ZNF827: variants seen among roughly 807,000 people sequenced by gnomAD.
ZNF827 encodes zinc finger protein 827.
Under a neutral mutation model 102.4 loss-of-function variants are expected in ZNF827, and 13 were observed. The observed-to-expected ratio is 0.13, with a 90% CI of 0.08 to 0.20. The LOEUF is 0.20. Among genes scored for constraint, ZNF827 ranks in the 10% least tolerant of loss-of-function variants. The probability of loss-of-function intolerance (pLI) is 1.00; values close to 1 mark genes in which losing one functional copy is unlikely to be tolerated. For missense variants in ZNF827, 1,103 were observed against 1,344.4 expected (o/e 0.82, Z 2.81); for synonymous variants, 523 against 536.2 (o/e 0.98, Z 0.34).
chr4:145,883,504 G>A (rs1207970606), intron 4 of ZNF827, among the ~76,000 whole-genome samples: 1 of 152,068 alleles, frequency 6.6e-6, no homozygotes, highest in African/African-American at 2.4e-5. Context: ...TGCAGTGCTG[G>A]CTCTAAGCAG....
At chr4:145,874,842 C>T (rs1482043673) in intron 4 of ZNF827, among the ~76,000 whole-genome samples, 5 of 152,184 alleles carry the variant, frequency 3.3e-5, no homozygotes, top group African/African-American at 4.8e-5. Flanking sequence ...CCCCCTCTCT[C>T]GCTGTTTGTT....
intron 8 of ZNF827, 136 bp from the exon 9 acceptor site, chr4:145,779,647 G>T: frequency 8.1e-7 from 1 of 1,230,022 alleles, no homozygotes; most frequent in Non-Finnish European, 1.1e-6. Flanking sequence ...TCCGTAACTG[G>T]TTTTCCTGCT....
intron 8 of ZNF827, among the ~76,000 whole-genome samples, chr4:145,807,619 C>G (rs1423305174): frequency 1.3e-5 from 2 of 151,408 alleles, no homozygotes; most frequent in Non-Finnish European, 2.9e-5. Flanking sequence ...TTACAGGCGC[C>G]CACCACCACG....
chr4:145,888,817 A>C (rs1002651911), intron 3 of ZNF827, among the ~76,000 whole-genome samples: 2 of 152,236 alleles, frequency 1.3e-5, no homozygotes, highest in African/African-American at 2.4e-5. Context: ...TAAAGGACTT[A>C]ATGGAAATCT....
At chr4:145,770,787 C>T (rs1736163539) in intron 11 of ZNF827, among the ~76,000 whole-genome samples, 1 of 152,122 alleles carries the variant, frequency 6.6e-6, no homozygotes, top group Admixed American at 6.5e-5. Flanking sequence ...TAATATTTCA[C>T]TAATTGAATA....
chr4:145,846,550 C>T (rs1479102516), intron 6 of ZNF827, among the ~76,000 whole-genome samples: 1 of 146,136 alleles, frequency 6.8e-6, no homozygotes, highest in Non-Finnish European at 1.5e-5. Flanking sequence ...GGTGCTGTGG[C>T]TCATGCCTGT....
chr4:145,935,857 G>C lies in ZNF827; in HGVS notation c.43+2508C>G, dbSNP rs568525098. Among the ~76,000 whole-genome samples, 43 of 152,214 alleles carry C rather than the reference G, an allele frequency of 2.8e-4. No homozygotes were observed. In the East Asian group the frequency reaches 8.1e-3, roughly 29 times the overall value. On this transcript the variant is annotated intron_variant, in intron 1 of 14. Coordinates refer to ENST00000508784, the MANE Select transcript of ZNF827 (RefSeq NM_001306215.2). ...AGGTCAGGGTCAAGGTCATCAGCAGGGCACGCTGCAGCTGCCCGACTGCAC... is the reference window on the plus strand; with the variant it reads ...AGGTCAGGGTCAAGGTCATCAGCAGCGCACGCTGCAGCTGCCCGACTGCAC...
In ZNF827 at chr4:145,765,868, C is replaced by T. The variant is rs1051811882; in HGVS notation, c.2861-130G>A. ...GGGGCACAGGCTCATGTCCCCAGCT[C>T]CCCCACTGCTGGGGGATCCCAGGTC... On this transcript the variant is annotated intron_variant, in intron 11 of 14. Coordinates refer to ENST00000508784, the MANE Select transcript of ZNF827 (RefSeq NM_001306215.2). This position sits in a 1 kb window ranked among gnomAD's most constrained non-coding sequence, Gnocchi z 4.7. 2 of 899,178 alleles carry T rather than the reference C, an allele frequency of 2.2e-6. No homozygotes were observed. Among genetic ancestry groups the T allele is most frequent in the South Asian group, 1.9e-5 (1 of 53,296 alleles). 55.7% of individuals were successfully genotyped at this position (899,178 alleles called of 1,614,324 possible).
At chr4:145,806,318 CT>C (rs59690854) in intron 8 of ZNF827, among the ~76,000 whole-genome samples, 32,266 of 150,308 alleles carry the variant, frequency 0.21, 4,315 homozygotes, top group East Asian at 0.66. Flanking sequence ...CGCCCAGCTA[CT>C]TTTTTTTTGT....
At chr4:145,805,531 T>C (rs1741335510) in intron 8 of ZNF827, among the ~76,000 whole-genome samples, 1 of 152,198 alleles carries the variant, frequency 6.6e-6, no homozygotes, top group Non-Finnish European at 1.5e-5. Context: ...GCTCAGCAAA[T>C]TACCTTTCTT....
intron 2 of ZNF827, among the ~76,000 whole-genome samples, chr4:145,893,425 A>C (rs1750755156): frequency 6.6e-6 from 1 of 152,252 alleles, no homozygotes; most frequent in African/African-American, 2.4e-5. Context: ...ATATGTGCCC[A>C]CAATAAAATA....
Position 145,765,473 on chromosome 4 carries a change from G to A in ZNF827, c.3052+74C>T, listed in dbSNP as rs769684778. ...TATCAGTTTTTGACATCGCTCCTGT[G>A]CAGGGCTTATTCTCAAGAATGGGTC... On this transcript the variant is annotated intron_variant, in intron 12 of 14. Coordinates refer to ENST00000508784, the MANE Select transcript of ZNF827 (RefSeq NM_001306215.2). The surrounding 1 kb of genome is among the most constrained non-coding windows in gnomAD (Gnocchi z 4.7). The A allele has an allele frequency of 4.5e-5, 68 of 1,512,298 alleles. No individual in the cohort carries two copies. Among genetic ancestry groups the A allele is most frequent in the Non-Finnish European group, 5.9e-5 (66 of 1,123,524 alleles). The allele number at this position is 1,512,298 out of a possible 1,614,324, so 93.7% of individuals were successfully genotyped here.
chr4:145,896,986 T>G (rs1228674246), intron 2 of ZNF827, among the ~76,000 whole-genome samples: 1 of 152,218 alleles, frequency 6.6e-6, no homozygotes, highest in Admixed American at 6.5e-5. Context: ...AACAGAGTTT[T>G]AAAACACTGA....
At chr4:145,916,792 C>G (rs1752698811) in intron 1 of ZNF827, among the ~76,000 whole-genome samples, 1 of 152,166 alleles carries the variant, frequency 6.6e-6, no homozygotes, top group Non-Finnish European at 1.5e-5. Flanking sequence ...CCATGTAGCT[C>G]CTTCAACATT....
chr4:145,774,313 G>C (rs1195929209), intron 11 of ZNF827, among the ~76,000 whole-genome samples, 193 bp downstream of exon 11: 1 of 152,192 alleles, frequency 6.6e-6, no homozygotes, highest in Non-Finnish European at 1.5e-5. Flanking sequence ...AGAGCAGTGA[G>C]GCACAAGGCA....
intron 7 of ZNF827, among the ~76,000 whole-genome samples, chr4:145,824,620 C>T (rs1743482793): frequency 6.6e-6 from 1 of 152,098 alleles, no homozygotes; most frequent in African/African-American, 2.4e-5. Context: ...GGTAGAATAC[C>T]CAGGCTCTAC....
chr4:145,891,981 T>C (rs1047688388), intron 3 of ZNF827, among the ~76,000 whole-genome samples: 16 of 152,188 alleles, frequency 1.1e-4, no homozygotes, highest in Non-Finnish European at 2.4e-4. Context: ...AGGCTGTTGC[T>C]CCCCTATAGG....
At chr4:145,796,966 C>T (rs1375628580) in intron 8 of ZNF827, among the ~76,000 whole-genome samples, 1 of 152,144 alleles carries the variant, frequency 6.6e-6, no homozygotes, top group Non-Finnish European at 1.5e-5. Flanking sequence ...GTGGTAGGTA[C>T]TACCTTCATT....
At chr4:145,860,941 C>A (rs945480681) in intron 5 of ZNF827, among the ~76,000 whole-genome samples, 4 of 152,198 alleles carry the variant, frequency 2.6e-5, no homozygotes, top group African/African-American at 9.6e-5. Context: ...TGGAAAGGGT[C>A]CATCACTCTC....
Sources: allele counts gnomAD v4.1 joint callset (sites outside exome capture counted in the v4.1 genomes callset), GRCh38; gene constraint gnomAD v4.1.1; non-coding constraint Gnocchi (gnomAD v3.1); transcripts MANE v1.5; gene names NCBI Gene and HGNC (gene_info 2026-07-23, HGNC 2026-07-21).